IMPG1: variants seen among roughly 807,000 people sequenced by gnomAD.
IMPG1 encodes interphotoreceptor matrix proteoglycan 1, also known as interphotoreceptor matrix proteoglycan of 150 kDa.
Under a neutral mutation model 92.0 loss-of-function variants are expected in IMPG1, and 85 were observed. That is an observed-to-expected ratio of 0.92 (90% confidence interval 0.78 to 1.11). The LOEUF (loss-of-function observed/expected upper bound fraction) is 1.11. Among genes scored for constraint, IMPG1 ranks in the 50% least tolerant of loss-of-function variants. The probability of loss-of-function intolerance (pLI) is 0.00; values close to 1 mark genes in which losing one functional copy is unlikely to be tolerated. For synonymous variants in IMPG1, 367 were observed against 334.1 expected (o/e 1.10, Z -1.08); for missense variants, 1,022 against 956.0 (o/e 1.07, Z -0.91).
chr6:76,027,337 C>G (rs985144276), intron 4 of IMPG1, among the ~76,000 whole-genome samples: 1 of 152,130 alleles, frequency 6.6e-6, no homozygotes, highest in Non-Finnish European at 1.5e-5. Flanking sequence ...TAATTACACC[C>G]TTAACTAAAA....
At chr6:76,025,842 G>A (rs887693671) in intron 4 of IMPG1, among the ~76,000 whole-genome samples, 1 of 152,162 alleles carries the variant, frequency 6.6e-6, no homozygotes, top group African/African-American at 2.4e-5. Flanking sequence ...ATGATGATGT[G>A]GAAGAGATTC....
intron 7 of IMPG1, among the ~76,000 whole-genome samples, chr6:76,014,724 ACTGGCATTGTAGATGCC>A (rs1342705442): frequency 3.3e-5 from 5 of 152,298 alleles, no homozygotes; most frequent in Middle Eastern, 6.8e-3. Context: ...CGACCCTGGG[ACTGGCATTGTAGATGCC>A]TGCAGCTGCA....
intron 12 of IMPG1, among the ~76,000 whole-genome samples, chr6:75,952,456 G>A (rs954935735): frequency 6.6e-6 from 1 of 152,132 alleles, no homozygotes; most frequent in African/African-American, 2.4e-5. Context: ...AATAAAACCT[G>A]TCTGTTGGTG....
At chr6:75,972,725 A>G (rs1160583883) in intron 12 of IMPG1, among the ~76,000 whole-genome samples, 1 of 152,228 alleles carries the variant, frequency 6.6e-6, no homozygotes, top group South Asian at 2.1e-4. Flanking sequence ...TTATATCTAC[A>G]TATCCATTCT....
rs769673335 is a variant in IMPG1, at chr6:76,003,885, C to G, written c.1201G>C (p.Val401Leu). ...GACAACAAACTTACCTCTGTTATAA[C>G]AGCAAAAGATGTGGGCAGCTCTGAT... is the stretch of plus-strand genomic sequence containing the variant. ...TQSELPTSFA[V>L]ITEDATLSPE... The change falls in exon 11 of 17, where the codon GTT becomes CTT. Residue 401 changes from valine (V) to leucine (L), a missense_variant. By Grantham distance (32) the Val-to-Leu change is conservative. Coordinates refer to ENST00000369950, the MANE Select transcript of IMPG1 (RefSeq NM_001563.4). The G allele has an allele frequency of 4.2e-5, 67 of 1,612,280 alleles. No homozygotes were observed. The highest frequency in any genetic ancestry group is 5.3e-5 in the Non-Finnish European group (62 of 1,179,360).
In IMPG1 at chr6:76,057,270, T is replaced by A. The variant is rs144429879; in HGVS notation, c.68-15144A>T. 3.0e-3 allele frequency among the ~76,000 whole-genome samples: 450 copies of A among 152,180 alleles called. 3 individuals carry two copies. Among genetic ancestry groups the A allele is most frequent in the African/African-American group, 0.011 (442 of 41,542 alleles). On this transcript the variant is annotated intron_variant, in intron 1 of 16. Transcript: ENST00000369950. ...TGTTTACCTATACAACAAACCTGAA[T>A]ATCCTGCACATGTGCCTCTGAACTT...
chr6:76,052,314 T>G (rs916953376), intron 1 of IMPG1, among the ~76,000 whole-genome samples: 4 of 152,192 alleles, frequency 2.6e-5, no homozygotes, highest in African/African-American at 9.7e-5. Flanking sequence ...CAGGGCATAT[T>G]GAGAAGAGGA....
Position 76,002,973 on chromosome 6 carries a change from A to C in IMPG1, c.1236T>G (p.Leu412=). ...ITEDATLSPE[L]PPVEPQLETV... ...TCTCAAGCTGGGGTTCAACAGGAGG[A>C]AGTTCTGGACTCAAAGTAGCATCCT... The change falls in exon 12 of 17, where the codon CTT becomes CTG. Residue 412 remains leucine (L), a synonymous_variant. Coordinates refer to ENST00000369950, the MANE Select transcript of IMPG1 (RefSeq NM_001563.4). 1 of 1,613,620 alleles carries C rather than the reference A, an allele frequency of 6.2e-7. No homozygotes were observed. Among genetic ancestry groups the C allele is most frequent in the Non-Finnish European group, 8.5e-7 (1 of 1,179,650 alleles).
At chr6:75,958,215 C>T (rs1193878536) in intron 12 of IMPG1, among the ~76,000 whole-genome samples, 4 of 152,080 alleles carry the variant, frequency 2.6e-5, no homozygotes, top group Non-Finnish European at 5.9e-5. Context: ...GAATATTGGT[C>T]CCCACTCTCT....
chr6:75,945,668 C>T (rs1335062251), intron 14 of IMPG1, among the ~76,000 whole-genome samples: 1 of 152,114 alleles, frequency 6.6e-6, no homozygotes. Flanking sequence ...CTCCATTTTC[C>T]ATTTGCAGAA....
chr6:76,050,795 T>A (rs1562384495), intron 1 of IMPG1, among the ~76,000 whole-genome samples: 1 of 152,332 alleles, frequency 6.6e-6, no homozygotes, highest in East Asian at 1.9e-4. Context: ...AGAGGAAATT[T>A]TTTTTAGCTA....
At chr6:76,043,990 A>G (rs1783890104) in intron 1 of IMPG1, among the ~76,000 whole-genome samples, 1 of 152,260 alleles carries the variant, frequency 6.6e-6, no homozygotes, top group South Asian at 2.1e-4. Context: ...GACCAGTTGC[A>G]AGGCATATGC....
intron 15 of IMPG1, among the ~76,000 whole-genome samples, chr6:75,927,873 A>C (rs943481297): frequency 1.3e-5 from 2 of 152,082 alleles, no homozygotes; most frequent in Non-Finnish European, 2.9e-5. Context: ...GAATCCCTCA[A>C]GTCCATGTTA....
At chr6:75,929,635 C>CATGTAT (rs1781630257) in intron 15 of IMPG1, among the ~76,000 whole-genome samples, 2 of 149,816 alleles carry the variant, frequency 1.3e-5, no homozygotes, top group African/African-American at 2.5e-5. Flanking sequence ...ACCAGCATGG[C>CATGTAT]ACATGTATAC....
Position 75,942,494 on chromosome 6 carries a change from G to C in IMPG1, c.2044+4820C>G, listed in dbSNP as rs151086434. 3.2e-4 allele frequency among the ~76,000 whole-genome samples: 48 copies of C among 152,280 alleles called. No individual in the cohort carries two copies. In the East Asian group the frequency reaches 9.1e-3, roughly 29 times the overall value. On this transcript the variant is annotated intron_variant, in intron 14 of 16. Coordinates refer to ENST00000369950, the MANE Select transcript of IMPG1 (RefSeq NM_001563.4). ...AGCCCAAGCCTTCTGTAACTGAAAA[G>C]TCCACACCAGCAATAGAGCCAAGAG...
rs1582063156 is a variant in IMPG1, at chr6:75,951,980, AC to A, written c.1292-887del. ...TAATAATAATAAAATACAGTAAAAA[AC>A]CTTTGCCACAGTTACATTATTACGC... is the stretch of plus-strand genomic sequence containing the variant. On this transcript the variant is annotated intron_variant, in intron 12 of 16. Coordinates refer to ENST00000369950, the MANE Select transcript of IMPG1 (RefSeq NM_001563.4). 3.3e-5 allele frequency among the ~76,000 whole-genome samples: 5 copies of A among 151,896 alleles called. No homozygotes were observed. The East Asian group carries it at 7.8e-4, about 24-fold the overall frequency.
At chr6:76,013,668 C>A (rs990065232) in intron 7 of IMPG1, among the ~76,000 whole-genome samples, 2 of 152,000 alleles carry the variant, frequency 1.3e-5, no homozygotes, top group African/African-American at 4.8e-5. Flanking sequence ...CTTTACCTCC[C>A]TCATTCCATC....
intron 1 of IMPG1, among the ~76,000 whole-genome samples, chr6:76,062,562 C>T (rs112874848): frequency 6.6e-5 from 10 of 152,192 alleles, no homozygotes; most frequent in Admixed American, 4.6e-4. Context: ...TTTTCATCTC[C>T]TATTTTTTCA....
intron 14 of IMPG1, among the ~76,000 whole-genome samples, chr6:75,939,539 T>A (rs1582054669): frequency 6.6e-6 from 1 of 152,252 alleles, no homozygotes; most frequent in Non-Finnish European, 1.5e-5. Flanking sequence ...ATCATCCTTT[T>A]TTATGGCTGC....
Sources: gnomAD v4.1 joint callset for allele counts (sites outside exome capture counted in the v4.1 genomes callset) on GRCh38, gnomAD v4.1.1 for gene constraint, MANE v1.5 for transcripts, NCBI Gene and HGNC (gene_info 2026-07-23, HGNC 2026-07-21) for gene names.